ARID1B: variants seen among roughly 807,000 people sequenced by gnomAD.
ARID1B encodes AT-rich interaction domain 1B.
In ARID1B, 30 loss-of-function variants were observed where a neutral mutation model predicts 212.3. The observed-to-expected ratio is 0.14, with a 90% CI of 0.11 to 0.19. ARID1B has a LOEUF of 0.19. ARID1B is among the 10% of genes least tolerant of loss of function. ARID1B has a pLI of 1.00. For synonymous variants in ARID1B, 1,402 were observed against 1,301.7 expected (o/e 1.08, Z -1.66); for missense variants, 2,891 against 3,204.0 (o/e 0.90, Z 2.36).
intron 1 of ARID1B, among the ~76,000 whole-genome samples, chr6:156,808,767 G>C (rs866677745): frequency 7.2e-5 from 11 of 152,208 alleles, no homozygotes; most frequent in Middle Eastern, 6.8e-3. Flanking sequence ...TTGTTCATTT[G>C]GTTTTAAAAT....
At chr6:156,902,857 C>T (rs1789062824) in intron 3 of ARID1B, among the ~76,000 whole-genome samples, 1 of 150,778 alleles carries the variant, frequency 6.6e-6, no homozygotes, top group Non-Finnish European at 1.5e-5. Flanking sequence ...TTTTAAAACA[C>T]TTTAATATAA....
chr6:156,778,163 G>A lies in ARID1B; in HGVS notation c.483G>A (p.Ala161=), dbSNP rs1453315743. ...AAACCGTTGGCGAAGCCCCCGCCGCGCCGCCCCACCAGCAGCACCACCACC... is the reference window on the plus strand; with the variant it reads ...AAACCGTTGGCGAAGCCCCCGCCGCACCGCCCCACCAGCAGCACCACCACC... The part of the protein sequence containing the change: ...KLKTVGEAPA[A]PPHQQHHHHH... The change falls in exon 1 of 20, where the codon GCG becomes GCA. Residue 161 remains alanine (A), a synonymous_variant. Transcript: ENST00000636930. The A allele has an allele frequency of 2.6e-6, 4 of 1,541,266 alleles. No individual in the cohort carries two copies. Among genetic ancestry groups the A allele is most frequent in the South Asian group, 1.2e-5 (1 of 83,924 alleles).
intron 6 of ARID1B, among the ~76,000 whole-genome samples, chr6:157,126,038 A>G (rs1214550473): frequency 6.6e-6 from 1 of 152,136 alleles, no homozygotes; most frequent in East Asian, 1.9e-4. Context: ...CGAGAATGTT[A>G]GAGTAAAATA....
intron 4 of ARID1B, among the ~76,000 whole-genome samples, chr6:157,083,371 G>C (rs537276723): frequency 1.3e-3 from 194 of 152,254 alleles, no homozygotes; most frequent in African/African-American, 4.3e-3. Context: ...CACATTGCTC[G>C]GTCAGTGATC....
chr6:156,883,433 T>C (rs536153876), intron 2 of ARID1B, among the ~76,000 whole-genome samples: 16 of 152,324 alleles, frequency 1.1e-4, no homozygotes, highest in African/African-American at 3.8e-4. Flanking sequence ...CAATTTACTT[T>C]TCTTCTTTGG....
intron 2 of ARID1B, among the ~76,000 whole-genome samples, chr6:156,881,866 A>G (rs552802856): frequency 1.3e-5 from 2 of 152,328 alleles, no homozygotes; most frequent in South Asian, 4.1e-4. Context: ...AGGCTAGTGT[A>G]GCATTGGGGG....
chr6:157,006,123 C>T (rs1779239717), intron 4 of ARID1B, among the ~76,000 whole-genome samples: 1 of 152,118 alleles, frequency 6.6e-6, no homozygotes, highest in South Asian at 2.1e-4. Flanking sequence ...TATCTGATCT[C>T]ACTGTTAGGG....
chr6:156,982,419 A>G (rs1274171678), intron 4 of ARID1B, among the ~76,000 whole-genome samples: 7 of 143,408 alleles, frequency 4.9e-5, no homozygotes, highest in African/African-American at 1.8e-4. Flanking sequence ...GTGTGTCTCT[A>G]TGGGTCTTTT....
At chr6:157,143,481 A>G (rs1182930270) in intron 7 of ARID1B, among the ~76,000 whole-genome samples, 2 of 137,058 alleles carry the variant, frequency 1.5e-5, no homozygotes, top group Non-Finnish European at 3.1e-5. Flanking sequence ...CACATTTTTA[A>G]AAGATGGGGG....
chr6:156,831,489 A>G (rs1783134785), intron 2 of ARID1B, among the ~76,000 whole-genome samples: 1 of 152,270 alleles, frequency 6.6e-6, no homozygotes, highest in Non-Finnish European at 1.5e-5. Flanking sequence ...TCTCACTAGA[A>G]GTTCTAGATG....
intron 4 of ARID1B, among the ~76,000 whole-genome samples, chr6:156,978,025 C>A (rs1777370020): frequency 1.3e-5 from 2 of 152,164 alleles, no homozygotes; most frequent in African/African-American, 4.8e-5. Flanking sequence ...TCTTCTAATC[C>A]TTTTGGGTGC....
At chr6:156,807,306 C>T (rs1162882137) in intron 1 of ARID1B, among the ~76,000 whole-genome samples, 4 of 152,094 alleles carry the variant, frequency 2.6e-5, no homozygotes, top group Non-Finnish European at 4.4e-5. Context: ...AAGCAAGAAG[C>T]TTGCATGTCA....
intron 4 of ARID1B, among the ~76,000 whole-genome samples, chr6:157,037,321 C>T (rs1781396614): frequency 6.6e-6 from 1 of 152,214 alleles, no homozygotes; most frequent in Admixed American, 6.5e-5. Context: ...CCAGCTCCTT[C>T]CCGTGAGGAC....
At chr6:157,051,703 G>A (rs1382753223) in intron 4 of ARID1B, among the ~76,000 whole-genome samples, 1 of 152,180 alleles carries the variant, frequency 6.6e-6, no homozygotes, top group Non-Finnish European at 1.5e-5. Context: ...AATACCAGGA[G>A]AATGTAAAAA....
At chr6:156,839,154 T>C (rs759606091) in intron 2 of ARID1B, among the ~76,000 whole-genome samples, 1 of 152,100 alleles carries the variant, frequency 6.6e-6, no homozygotes, top group Non-Finnish European at 1.5e-5. Context: ...TGTCTTAGTT[T>C]CTTTTCTGTT....
chr6:157,097,400 A>G (rs181082529), intron 5 of ARID1B, among the ~76,000 whole-genome samples: 370 of 152,324 alleles, frequency 2.4e-3, no homozygotes, highest in African/African-American at 8.6e-3. Flanking sequence ...CAGACGCAGC[A>G]TAAAGATGCC....
At position 157,201,608 on chromosome 6, in the gene ARID1B, A is replaced by T. The variant is rs751961533; in HGVS notation, c.5263+120A>T. On this transcript the variant is annotated intron_variant, in intron 18 of 19. Coordinates refer to ENST00000636930, the MANE Select transcript of ARID1B (RefSeq NM_001374828.1). The surrounding 1 kb of genome is among the most constrained non-coding windows in gnomAD (Gnocchi z 5.2). ...GATGAAAAAATTATGACTAGAAGTT[A>T]TCAAGATGCGTTTTTATATAGGAGT... 3.7e-4 allele frequency: 433 copies of T among 1,180,672 alleles called. No homozygotes were observed. The highest frequency in any genetic ancestry group is 4.5e-4 in the Non-Finnish European group (395 of 873,992). The allele number at this position is 1,180,672 out of a possible 1,614,324, so 73.1% of individuals were successfully genotyped here. A position where few individuals can be genotyped will look rare whatever the true frequency, so the allele number is the denominator to read the frequency against.
In ARID1B at chr6:157,206,622, C is replaced by T. The variant is rs753997383; in HGVS notation, c.5850C>T (p.Thr1950=). ...GGCAGCTCGGCGGGGGTGACACCAC[C>T]GAGCACATTCAGACTCACTTTGAGA... The part of the protein sequence containing the change: ...LHWQLGGGDT[T]EHIQTHFESK... Residue 1950 remains threonine, a synonymous_variant, in exon 20 of 20, where the codon ACC becomes ACT. Coordinates refer to ENST00000636930, the MANE Select transcript of ARID1B (RefSeq NM_001374828.1). The surrounding 1 kb of genome is among the most constrained non-coding windows in gnomAD (Gnocchi z 6.8). 26 of 1,613,914 alleles carry T rather than the reference C, an allele frequency of 1.6e-5. No individual in the cohort carries two copies. In the Admixed American group the frequency reaches 3.2e-4, roughly 20 times the overall value.
intron 2 of ARID1B, among the ~76,000 whole-genome samples, chr6:156,842,564 A>G (rs1209040399): frequency 6.6e-6 from 1 of 152,232 alleles, no homozygotes; most frequent in African/African-American, 2.4e-5. Context: ...TAGTGCTGTT[A>G]TGAACATTTG....
Sources: allele counts gnomAD v4.1 joint callset (sites outside exome capture counted in the v4.1 genomes callset), GRCh38; gene constraint gnomAD v4.1.1; non-coding constraint Gnocchi (gnomAD v3.1); transcripts MANE v1.5; gene names NCBI Gene and HGNC (gene_info 2026-07-23, HGNC 2026-07-21).